Variants in NAP1L4 observed in about 807,000 individuals in gnomAD.
NAP1L4 encodes nucleosome assembly protein 1-like 4.
NAP1L4 carries 15 observed loss-of-function variants against 58.2 expected under a neutral mutation model. The observed-to-expected ratio is 0.26, with a 90% CI of 0.17 to 0.40. The LOEUF (loss-of-function observed/expected upper bound fraction) is 0.40. Among genes scored for constraint, NAP1L4 ranks in the 10% least tolerant of loss-of-function variants. The probability of loss-of-function intolerance (pLI) is 1.00; values close to 1 mark genes in which losing one functional copy is unlikely to be tolerated. For synonymous variants in NAP1L4, 171 were observed against 155.6 expected (o/e 1.10, Z -0.74); for missense variants, 384 against 451.1 (o/e 0.85, Z 1.35).
intron 7 of NAP1L4, among the ~76,000 whole-genome samples, chr11:2,967,090 C>G (rs1486797958): frequency 6.6e-6 from 1 of 152,156 alleles, no homozygotes; most frequent in Non-Finnish European, 1.5e-5. Context: ...CAGAGTTAAT[C>G]CGCCTTTGGA....
In NAP1L4 at chr11:2,960,518, ACAAC is replaced by A. The variant is rs201608896; in HGVS notation, c.607-613_607-610del. Among the ~76,000 whole-genome samples the A allele has an allele frequency of 6.0e-4, 91 of 152,326 alleles. 1 individual carries two copies. In the East Asian group the frequency reaches 0.017, roughly 29 times the overall value. On this transcript the variant is annotated intron_variant, in intron 8 of 15. Coordinates refer to ENST00000380542, the MANE Select transcript of NAP1L4 (RefSeq NM_005969.4). ...ATGCAAACATGAACGCAGGCATAGAACAACCAACAGCAGCAACAAGGCATTCATG... is the reference window on the plus strand; with the variant it reads ...ATGCAAACATGAACGCAGGCATAGAACAACAGCAGCAACAAGGCATTCATG...
chr11:2,949,409 G>T lies in NAP1L4; in HGVS notation c.1123-145C>A. ...CTCGGGGTGAACAACTTCAACACTA[G>T]ATCATACTTTCAAAATGGGCAGAAG... is the stretch of plus-strand genomic sequence containing the variant. On this transcript the variant is annotated intron_variant, in intron 14 of 15. Transcript: ENST00000380542. This position sits in a 1 kb window ranked among gnomAD's most constrained non-coding sequence, Gnocchi z 4.0. 1.4e-6 allele frequency: 1 copy of T among 690,908 alleles called. No individual in the cohort carries two copies. Among genetic ancestry groups the T allele is most frequent in the South Asian group, 1.6e-5 (1 of 60,634 alleles). 42.8% of individuals were successfully genotyped at this position (690,908 alleles called of 1,614,324 possible).
rs1322066916 is a variant in NAP1L4 at position 2,959,808 on chromosome 11, G to C, written c.708C>G (p.Pro236=). The C allele has an allele frequency of 6.2e-7, 1 of 1,614,048 alleles. No individual in the cohort carries two copies. The highest frequency in any genetic ancestry group is 8.5e-7 in the Non-Finnish European group (1 of 1,180,050). The change falls in exon 9 of 16, where the codon CCC becomes CCG. Residue 236 remains proline, a synonymous_variant. Transcript: ENST00000380542. This position sits in a 1 kb window ranked among gnomAD's most constrained non-coding sequence, Gnocchi z 4.9. ...KMKSEPDKAD[P]FSFEGPEIVD... Reference sequence around the variant, plus strand: ...CAATCTCAGGACCTTCAAAGGAAAAGGGATCAGCCTTATCTGGTTCTGATT... The same window carrying C: ...CAATCTCAGGACCTTCAAAGGAAAACGGATCAGCCTTATCTGGTTCTGATT...
At chr11:2,968,285 A>G (rs1206737627) in intron 7 of NAP1L4, among the ~76,000 whole-genome samples, 3 of 152,344 alleles carry the variant, frequency 2.0e-5, no homozygotes, top group South Asian at 2.1e-4. Context: ...TGAGGCATTT[A>G]GTTTTTGCTA....
chr11:2,981,823 G>C (rs58220155), intron 1 of NAP1L4: 1 of 152,730 alleles, frequency 6.5e-6, no homozygotes, highest in Non-Finnish European at 1.5e-5. Flanking sequence ...GCAAAACTCC[G>C]TCTCAAAAAC....
chr11:2,955,861 T>C lies in NAP1L4; in HGVS notation c.893-95A>G, dbSNP rs1846509640. 8.6e-7 allele frequency: 1 copy of C among 1,167,732 alleles called. No homozygotes were observed. Among genetic ancestry groups the C allele is most frequent in the Non-Finnish European group, 1.2e-6 (1 of 802,610 alleles). The allele number at this position is 1,167,732 out of a possible 1,614,324, so 72.3% of individuals were successfully genotyped here. On this transcript the variant is annotated intron_variant, in intron 10 of 15. Coordinates refer to ENST00000380542, the MANE Select transcript of NAP1L4 (RefSeq NM_005969.4). The surrounding 1 kb of genome is among the most constrained non-coding windows in gnomAD (Gnocchi z 4.2). ...GAGGAAGCTGTGCTGGTAGATAAAA[T>C]GTAACATTTCTCACCTCGAGGTTTA...
At chr11:2,960,870 A>G (rs1366549832) in intron 8 of NAP1L4, among the ~76,000 whole-genome samples, 2 of 152,208 alleles carry the variant, frequency 1.3e-5, no homozygotes, top group South Asian at 4.1e-4. Flanking sequence ...AGTAATTTAT[A>G]GACAGTTTAC....
At chr11:2,981,054 A>G (rs552382423) in intron 1 of NAP1L4, among the ~76,000 whole-genome samples, 1 of 151,812 alleles carries the variant, frequency 6.6e-6, no homozygotes, top group Admixed American at 6.6e-5. Context: ...ACATGGGGAA[A>G]CCTCGTCTCT....
rs766940502 is a variant in NAP1L4 at position 2,964,661 on chromosome 11, AG to A, written c.606+18del. 6.2e-6 allele frequency: 10 copies of A among 1,604,688 alleles called. No individual in the cohort carries two copies. Among genetic ancestry groups the A allele is most frequent in the Non-Finnish European group, 7.7e-6 (9 of 1,172,940 alleles). On this transcript the variant is annotated intron_variant, in intron 8 of 15. Coordinates refer to ENST00000380542, the MANE Select transcript of NAP1L4 (RefSeq NM_005969.4). ...CTGACCCTGTCTGATGCCAACCAGA[AG>A]GTCAAGTCAGTACTCACCATAGGCT... is the stretch of plus-strand genomic sequence containing the variant.
At chr11:2,990,186 T>G (rs143870007) in intron 1 of NAP1L4, 3 of 152,070 alleles carry the variant, frequency 2.0e-5, no homozygotes, top group African/African-American at 7.2e-5. Flanking sequence ...AAGCTAACAC[T>G]GCTCAACCAG....
At chr11:2,979,822 C>G (rs1848198331) in intron 1 of NAP1L4, among the ~76,000 whole-genome samples, 1 of 151,880 alleles carries the variant, frequency 6.6e-6, no homozygotes, top group Admixed American at 6.6e-5. Context: ...CTAAAATAAC[C>G]AGACTTCAGA....
At chr11:2,958,370 T>A (rs1331530757) in intron 10 of NAP1L4, 29 bp downstream of exon 10, 1 of 1,611,088 alleles carries the variant, frequency 6.2e-7, no homozygotes, top group East Asian at 2.2e-5. Context: ...TATAAGAACA[T>A]AATGAATATT....
chr11:2,970,789 G>A (rs1368799608), intron 6 of NAP1L4, among the ~76,000 whole-genome samples: 4 of 151,880 alleles, frequency 2.6e-5, no homozygotes. Context: ...AATTAGGCCA[G>A]GTTCTATATA....
At chr11:2,960,963 T>C (rs1349702055) in intron 8 of NAP1L4, among the ~76,000 whole-genome samples, 3 of 152,190 alleles carry the variant, frequency 2.0e-5, no homozygotes, top group Admixed American at 2.0e-4. Context: ...AGCTACTCAA[T>C]GTCTCCGTGC....
intron 8 of NAP1L4, among the ~76,000 whole-genome samples, chr11:2,961,113 T>C (rs1266097675): frequency 7.9e-6 from 1 of 125,914 alleles, no homozygotes; most frequent in Non-Finnish European, 1.7e-5. Context: ...ATTGTAATGG[T>C]AAAACCATCA....
At chr11:2,957,829 T>A (rs1327728791) in intron 10 of NAP1L4, among the ~76,000 whole-genome samples, 1 of 152,238 alleles carries the variant, frequency 6.6e-6, no homozygotes, top group African/African-American at 2.4e-5. Flanking sequence ...TACTTGTGTT[T>A]CTTACAATAT....
intron 12 of NAP1L4, chr11:2,952,827 G>T (rs1005256739): frequency 5.9e-5 from 9 of 152,276 alleles, no homozygotes; most frequent in Admixed American, 3.9e-4. Context: ...TGCTCCAGAT[G>T]CATCACCCAC....
chr11:2,947,645 C>T (rs566829068), intron 15 of NAP1L4, among the ~76,000 whole-genome samples: 1 of 152,190 alleles, frequency 6.6e-6, no homozygotes, highest in East Asian at 1.9e-4. Context: ...ACCTAAACTC[C>T]CAAACTGAAG....
Position 2,955,469 on chromosome 11 carries a change from G to C in NAP1L4, c.915+275C>G, listed in dbSNP as rs1370523001. Among the ~76,000 whole-genome samples, 1 of 151,934 alleles carries C rather than the reference G, an allele frequency of 6.6e-6. No individual in the cohort carries two copies. The highest frequency in any genetic ancestry group is 1.5e-5 in the Non-Finnish European group (1 of 68,014). ...GATCCACCCACCTTGGCCTCCCACA[G>C]TGCTGGTATTACGGGCGTGAACCAC... On this transcript the variant is annotated intron_variant, in intron 11 of 15. Coordinates refer to ENST00000380542, the MANE Select transcript of NAP1L4 (RefSeq NM_005969.4). This position sits in a 1 kb window ranked among gnomAD's most constrained non-coding sequence, Gnocchi z 4.2.
Sources: gnomAD v4.1 joint callset for allele counts (sites outside exome capture counted in the v4.1 genomes callset) on GRCh38, gnomAD v4.1.1 for gene constraint, Gnocchi (gnomAD v3.1) non-coding constraint, MANE v1.5 for transcripts, NCBI Gene and HGNC (gene_info 2026-07-23, HGNC 2026-07-21) for gene names.